Variants in HS6ST3 observed in about 807,000 individuals in gnomAD.
HS6ST3 encodes the protein heparan-sulfate 6-O-sulfotransferase 3.
A neutral mutation model predicts 36.7 loss-of-function variants in HS6ST3; 12 were observed. The observed-to-expected ratio is 0.33, with a 90% CI of 0.21 to 0.53. The LOEUF (loss-of-function observed/expected upper bound fraction) is 0.53. HS6ST3 is among the 20% of genes least tolerant of loss of function. The pLI is 0.95. For synonymous variants in HS6ST3, 240 were observed against 257.5 expected, an observed-to-expected ratio of 0.93 and a Z score of 0.65; for missense variants, 584 against 640.9, an observed-to-expected ratio of 0.91 and a Z score of 0.96.
intron 1 of HS6ST3, chr13:96,573,630 G>A (rs1038329921): frequency 4.7e-4 from 118 of 253,728 alleles, no homozygotes; most frequent in African/African-American, 2.7e-3. Flanking sequence ...AATCAGGATA[G>A]GAAAAATACA....
rs557839771 is a variant in HS6ST3 at position 96,276,481 on chromosome 13, T to C, written c.707+184912T>C. Among the ~76,000 whole-genome samples, 3 of 152,308 alleles carry C rather than the reference T, an allele frequency of 2.0e-5. No individual in the cohort carries two copies. In the South Asian group the frequency reaches 6.2e-4, roughly 32 times the overall value. On this transcript the variant is annotated intron_variant, in intron 1 of 1. Transcript: ENST00000376705. The stretch of plus-strand genomic sequence containing the variant: ...ATTGGCTGTGTGATGCTCAGCAAGT[T>C]GGACAAATTCTGAAACTCAGTTTCT...
At chr13:96,697,059 A>G (rs7326800) in intron 1 of HS6ST3, among the ~76,000 whole-genome samples, 1,850 of 152,224 alleles carry the variant, frequency 0.012, 34 homozygotes, top group African/African-American at 0.042. Context: ...AACTATAACT[A>G]TTATATTCAG....
intron 1 of HS6ST3, among the ~76,000 whole-genome samples, chr13:96,522,542 G>T (rs991861616): frequency 6.6e-6 from 1 of 152,164 alleles, no homozygotes; most frequent in African/African-American, 2.4e-5. Context: ...CCTGTATTGG[G>T]TGCATAGGTA....
At chr13:96,296,957 TC>T (rs2054857814) in intron 1 of HS6ST3, among the ~76,000 whole-genome samples, 1 of 152,110 alleles carries the variant, frequency 6.6e-6, no homozygotes, top group Non-Finnish European at 1.5e-5. Flanking sequence ...CTAGTTTGTC[TC>T]CTCTCTGGTC....
At chr13:96,116,343 C>A (rs1218722819) in intron 1 of HS6ST3, among the ~76,000 whole-genome samples, 1 of 152,142 alleles carries the variant, frequency 6.6e-6, no homozygotes, top group East Asian at 1.9e-4. Context: ...GATTGCCAAT[C>A]AGCTATAGTC....
At chr13:96,582,689 A>G (rs888018026) in intron 1 of HS6ST3, among the ~76,000 whole-genome samples, 9 of 152,180 alleles carry the variant, frequency 5.9e-5, no homozygotes, top group African/African-American at 2.4e-5. Context: ...ATATTTGTAC[A>G]TATTTCCTCT....
At chr13:96,785,506 A>G (rs1223475468) in intron 1 of HS6ST3, among the ~76,000 whole-genome samples, 1 of 152,154 alleles carries the variant, frequency 6.6e-6, no homozygotes, top group Non-Finnish European at 1.5e-5. Context: ...GTTCAACCAA[A>G]TAGAATCTGA....
intron 1 of HS6ST3, among the ~76,000 whole-genome samples, chr13:96,603,130 A>G (rs1389808771): frequency 1.3e-5 from 2 of 152,148 alleles, no homozygotes; most frequent in Admixed American, 6.5e-5. Flanking sequence ...CTTCTCCACA[A>G]TGCATTTTCA....
intron 1 of HS6ST3, among the ~76,000 whole-genome samples, chr13:96,334,083 A>T (rs546267531): frequency 6.6e-6 from 1 of 152,200 alleles, no homozygotes; most frequent in Non-Finnish European, 1.5e-5. Context: ...TGTAGTGCAG[A>T]TTGAATTAGC....
chr13:96,585,943 C>A (rs2056359472), intron 1 of HS6ST3, among the ~76,000 whole-genome samples: 1 of 152,064 alleles, frequency 6.6e-6, no homozygotes, highest in Non-Finnish European at 1.5e-5. Flanking sequence ...TGGATATATA[C>A]CTACAAAGTA....
At chr13:96,595,191 G>A (rs1052618012) in intron 1 of HS6ST3, among the ~76,000 whole-genome samples, 32 of 152,040 alleles carry the variant, frequency 2.1e-4, no homozygotes, top group African/African-American at 6.0e-4. Flanking sequence ...AACTACAGGC[G>A]TGCACCACCG....
chr13:96,236,897 A>C (rs1460962144), intron 1 of HS6ST3, among the ~76,000 whole-genome samples: 1 of 152,186 alleles, frequency 6.6e-6, no homozygotes, highest in Non-Finnish European at 1.5e-5. Context: ...TTGAAGAAAT[A>C]CCCAAGACTG....
At chr13:96,327,166 A>G (rs1291705551) in intron 1 of HS6ST3, among the ~76,000 whole-genome samples, 1 of 150,640 alleles carries the variant, frequency 6.6e-6, no homozygotes, top group Admixed American at 6.6e-5. Context: ...TTTGCTGTGC[A>G]GAAGCTCTTT....
chr13:96,686,263 G>A (rs1472997071), intron 1 of HS6ST3, among the ~76,000 whole-genome samples: 2 of 151,904 alleles, frequency 1.3e-5, no homozygotes, highest in African/African-American at 4.8e-5. Flanking sequence ...ACTATCACAA[G>A]TGAAAAGATA....
intron 1 of HS6ST3, among the ~76,000 whole-genome samples, chr13:96,204,505 T>C (rs1286150268): frequency 3.3e-5 from 5 of 151,910 alleles, no homozygotes; most frequent in Admixed American, 1.3e-4. Context: ...AGTGGATAGA[T>C]ATCTACAGAA....
intron 1 of HS6ST3, among the ~76,000 whole-genome samples, chr13:96,176,529 A>T (rs2054213326): frequency 6.6e-6 from 1 of 151,836 alleles, no homozygotes. Context: ...ACCATCTTTG[A>T]AGTGGTCTTG....
At chr13:96,674,024 A>AT (rs2056690893) in intron 1 of HS6ST3, among the ~76,000 whole-genome samples, 1 of 152,084 alleles carries the variant, frequency 6.6e-6, no homozygotes, top group Non-Finnish European at 1.5e-5. Flanking sequence ...GTGAGTCAGC[A>AT]TTTTTGCTGG....
chr13:96,267,033 G>A (rs906873858), intron 1 of HS6ST3, among the ~76,000 whole-genome samples: 2 of 152,182 alleles, frequency 1.3e-5, no homozygotes, highest in Non-Finnish European at 2.9e-5. Flanking sequence ...CCAGTGGAAG[G>A]CAATTGAATC....
At chr13:96,469,744 C>T (rs1399238574) in intron 1 of HS6ST3, among the ~76,000 whole-genome samples, 3 of 151,600 alleles carry the variant, frequency 2.0e-5, no homozygotes, top group Non-Finnish European at 4.4e-5. Context: ...GTGGTGATGG[C>T]GGTGGTGGTG....
Sources: gnomAD v4.1 joint callset for allele counts (sites outside exome capture counted in the v4.1 genomes callset) on GRCh38, gnomAD v4.1.1 for gene constraint, MANE v1.5 for transcripts, NCBI Gene and HGNC (gene_info 2026-07-23, HGNC 2026-07-21) for gene names.